Variants in OLFM2 observed in about 807,000 individuals in gnomAD.
OLFM2 encodes noelin-2.
In OLFM2, 20 loss-of-function variants were observed where a neutral mutation model predicts 43.9. That is an observed-to-expected ratio of 0.46 (90% confidence interval 0.32 to 0.66). OLFM2 has a LOEUF of 0.66. Ranked by LOEUF, OLFM2 falls within the 30% of genes least tolerant of loss-of-function variation. The pLI, the probability that OLFM2 is intolerant of heterozygous loss-of-function variation, is 0.04. For missense variants in OLFM2, 416 were observed against 643.6 expected, an observed-to-expected ratio of 0.65 and a Z score of 3.83; for synonymous variants, 268 against 278.6, an observed-to-expected ratio of 0.96 and a Z score of 0.38.
At position 9,857,538 on chromosome 19, in the gene OLFM2, A is replaced by G; in HGVS notation, c.361-56T>C. ...CTGACCCCTGGCCTTTGACCCAGACATGACTCCAACCTCTGACTCATAACT... is the reference window on the plus strand; with the variant it reads ...CTGACCCCTGGCCTTTGACCCAGACGTGACTCCAACCTCTGACTCATAACT... On this transcript the variant is annotated intron_variant, in intron 3 of 5. Coordinates refer to ENST00000264833, the MANE Select transcript of OLFM2 (RefSeq NM_058164.4). This position sits in a 1 kb window ranked among gnomAD's most constrained non-coding sequence, Gnocchi z 5.7. 1.9e-6 allele frequency: 3 copies of G among 1,590,630 alleles called. No individual in the cohort carries two copies. The highest frequency in any genetic ancestry group is 2.6e-6 in the Non-Finnish European group (3 of 1,164,364).
At chr19:9,867,989 T>C (rs1326721340) in intron 1 of OLFM2, among the ~76,000 whole-genome samples, 1 of 151,930 alleles carries the variant, frequency 6.6e-6, no homozygotes, top group Non-Finnish European at 1.5e-5. Context: ...GCAGCCTTGA[T>C]GTCCAAAGGC....
At chr19:9,893,170 T>TA (rs2046652967) in intron 1 of OLFM2, among the ~76,000 whole-genome samples, 1 of 111,610 alleles carries the variant, frequency 9.0e-6, no homozygotes, top group Non-Finnish European at 2.2e-5. Context: ...TTTTTCTTTT[T>TA]CTTTTTTTTT....
intron 1 of OLFM2, among the ~76,000 whole-genome samples, chr19:9,911,835 G>A (rs1343135102): frequency 6.6e-6 from 1 of 152,154 alleles, no homozygotes; most frequent in East Asian, 1.9e-4. Flanking sequence ...TGATTTCAAT[G>A]AGATACCATC....
chr19:9,880,307 C>A (rs895245675), intron 1 of OLFM2, among the ~76,000 whole-genome samples: 3 of 152,202 alleles, frequency 2.0e-5, no homozygotes, highest in African/African-American at 7.2e-5. Context: ...TGAGCACCCA[C>A]TATGTGCCAG....
chr19:9,872,919 A>G (rs2046455302), intron 1 of OLFM2, among the ~76,000 whole-genome samples: 1 of 152,106 alleles, frequency 6.6e-6, no homozygotes, highest in African/African-American at 2.4e-5. Flanking sequence ...CTCTACTCCC[A>G]TTCTGAATTT....
At chr19:9,906,790 A>C (rs746425171) in intron 1 of OLFM2, among the ~76,000 whole-genome samples, 12 of 152,064 alleles carry the variant, frequency 7.9e-5, no homozygotes, top group Non-Finnish European at 1.5e-4. Flanking sequence ...TCTCCTGGGC[A>C]ATCCACTCTC....
At chr19:9,934,250 T>C (rs1024527243) in intron 1 of OLFM2, among the ~76,000 whole-genome samples, 6 of 152,062 alleles carry the variant, frequency 3.9e-5, no homozygotes, top group Non-Finnish European at 7.4e-5. Flanking sequence ...TTCACAACCA[T>C]GTAGTTCCCG....
At chr19:9,883,545 C>T (rs764806767) in intron 1 of OLFM2, among the ~76,000 whole-genome samples, 4 of 152,110 alleles carry the variant, frequency 2.6e-5, no homozygotes, top group Non-Finnish European at 4.4e-5. Context: ...GAGAGAGGCC[C>T]GTGGCCCCCC....
intron 1 of OLFM2, among the ~76,000 whole-genome samples, chr19:9,875,476 G>C (rs1397946034): frequency 1.3e-5 from 2 of 151,460 alleles, no homozygotes; most frequent in African/African-American, 2.4e-5. Flanking sequence ...TTAGGAGCTG[G>C]TGCAGGGGCC....
intron 1 of OLFM2, among the ~76,000 whole-genome samples, chr19:9,929,382 C>T (rs1212027093): frequency 6.6e-6 from 1 of 151,866 alleles, no homozygotes; most frequent in Non-Finnish European, 1.5e-5. Context: ...CACCTGAGGT[C>T]AGGAGTTTGA....
chr19:9,934,748 G>A (rs1423310985), intron 1 of OLFM2, among the ~76,000 whole-genome samples: 2 of 152,114 alleles, frequency 1.3e-5, no homozygotes, highest in African/African-American at 2.4e-5. Flanking sequence ...CCCACCCAGC[G>A]CGTGGGTGCT....
At chr19:9,924,539 G>A (rs1344785824) in intron 1 of OLFM2, among the ~76,000 whole-genome samples, 1 of 152,092 alleles carries the variant, frequency 6.6e-6, no homozygotes, top group Non-Finnish European at 1.5e-5. Flanking sequence ...GATTATGGGC[G>A]TGAGCCATTG....
chr19:9,898,250 G>A (rs956144809), intron 1 of OLFM2, among the ~76,000 whole-genome samples: 5 of 150,184 alleles, frequency 3.3e-5, no homozygotes, highest in African/African-American at 1.2e-4. Context: ...TGCTGGGAGT[G>A]TTGGCTCATG....
At chr19:9,911,035 G>A (rs1166653998) in intron 1 of OLFM2, among the ~76,000 whole-genome samples, 4 of 152,130 alleles carry the variant, frequency 2.6e-5, no homozygotes, top group African/African-American at 9.7e-5. Context: ...TGAAATAATA[G>A]ATGGAGGGAA....
chr19:9,881,384 T>C (rs1454988773), intron 1 of OLFM2, among the ~76,000 whole-genome samples: 1 of 149,168 alleles, frequency 6.7e-6, no homozygotes, highest in Non-Finnish European at 1.5e-5. Flanking sequence ...TACTGAGAGA[T>C]GGACTCTAAG....
chr19:9,888,552 T>C (rs945764838), intron 1 of OLFM2, among the ~76,000 whole-genome samples: 3 of 147,136 alleles, frequency 2.0e-5, no homozygotes, highest in African/African-American at 7.4e-5. Context: ...AAACCTTCCC[T>C]GATCTCCCCT....
At chr19:9,874,356 GGGGTCTCACTATGTTGCCCA>G (rs2046468594) in intron 1 of OLFM2, among the ~76,000 whole-genome samples, 1 of 132,888 alleles carries the variant, frequency 7.5e-6, no homozygotes, top group East Asian at 2.3e-4. Flanking sequence ...AAGAGAGATG[GGGGTCTCACTATGTTGCCCA>G]GGCTAGACTC....
intron 1 of OLFM2, among the ~76,000 whole-genome samples, chr19:9,882,609 TG>T (rs2046548806): frequency 6.7e-6 from 1 of 149,878 alleles, no homozygotes; most frequent in Non-Finnish European, 1.5e-5. Context: ...TGTGTGTGAG[TG>T]GGGTAGGAAT....
intron 1 of OLFM2, among the ~76,000 whole-genome samples, chr19:9,865,469 T>TAG (rs1242155947): frequency 6.8e-6 from 1 of 146,538 alleles, no homozygotes; most frequent in Non-Finnish European, 1.5e-5. Context: ...GAGTCACTGT[T>TAG]ACCTCTCTGT....
Sources: gnomAD v4.1 joint callset for allele counts (sites outside exome capture counted in the v4.1 genomes callset) on GRCh38, gnomAD v4.1.1 for gene constraint, Gnocchi (gnomAD v3.1) non-coding constraint, MANE v1.5 for transcripts, NCBI Gene and HGNC (gene_info 2026-07-23, HGNC 2026-07-21) for gene names.